SYNJ1: variants seen among roughly 807,000 people sequenced by gnomAD.
The protein encoded by SYNJ1 is polyphosphatidylinositol phosphatase SYNJ1.
SYNJ1 carries 78 observed loss-of-function variants against 168.2 expected under a neutral mutation model. That is an observed-to-expected ratio of 0.46 (90% CI 0.39 to 0.56). SYNJ1 has a LOEUF of 0.56. Ranked by LOEUF, SYNJ1 falls within the 20% of genes least tolerant of loss-of-function variation. SYNJ1 has a pLI of 0.00. For synonymous variants in SYNJ1, 539 were observed against 548.6 expected, an observed-to-expected ratio of 0.98 and a Z score of 0.24; for missense variants, 1,303 against 1,597.6, an observed-to-expected ratio of 0.82 and a Z score of 3.14.
chr21:32,710,235 A>G (rs541720890), intron 2 of SYNJ1, among the ~76,000 whole-genome samples: 23 of 152,218 alleles, frequency 1.5e-4, no homozygotes, highest in African/African-American at 5.5e-4. Flanking sequence ...AAATAAATAA[A>G]TAAGGAGGGA....
chr21:32,674,125 C>T (rs2041310726), intron 13 of SYNJ1, among the ~76,000 whole-genome samples: 1 of 152,214 alleles, frequency 6.6e-6, no homozygotes, highest in South Asian at 2.1e-4. Flanking sequence ...AAACAATGGT[C>T]CACAAGGCCC....
chr21:32,670,209 T>C (rs2145956349), intron 15 of SYNJ1, 79 bp downstream of exon 15: 1 of 1,141,134 alleles, frequency 8.8e-7, no homozygotes, highest in Non-Finnish European at 1.3e-6. Context: ...ACTATCCTTG[T>C]AACAATTACT....
Position 32,664,251 on chromosome 21 carries a change from A to G in SYNJ1, c.2304+662T>C, listed in dbSNP as rs113822126. On this transcript the variant is annotated intron_variant, in intron 18 of 32. Transcript: ENST00000674351. The stretch of plus-strand genomic sequence containing the variant: ...TCTGTCTTGCAAGAAGACATGGGTA[A>G]TGAGGATGAAAGTGAGAACTCCCAT... Among the ~76,000 whole-genome samples the G allele has an allele frequency of 7.2e-5, 11 of 152,314 alleles. 1 individual carries two copies. Among genetic ancestry groups the G allele is most frequent in the African/African-American group, 2.6e-4 (11 of 41,560 alleles).
chr21:32,674,851 T>A lies in SYNJ1; in HGVS notation c.1535-1320A>T, dbSNP rs73361386. 6.7e-3 allele frequency among the ~76,000 whole-genome samples: 1,013 copies of A among 152,294 alleles called. 11 individuals are homozygous for A. Among genetic ancestry groups the A allele is most frequent in the African/African-American group, 0.023 (976 of 41,562 alleles). ...ATGATACCAAGATATAGCAGTCTTATGAGGAAATGAGAGTGAAAAAGGCGA... is the reference window on the plus strand; with the variant it reads ...ATGATACCAAGATATAGCAGTCTTAAGAGGAAATGAGAGTGAAAAAGGCGA... On this transcript the variant is annotated intron_variant, in intron 13 of 32. Coordinates refer to ENST00000674351, the MANE Select transcript of SYNJ1 (RefSeq NM_203446.3).
At chr21:32,723,842 A>C (rs1196279689) in intron 2 of SYNJ1, among the ~76,000 whole-genome samples, 1 of 152,046 alleles carries the variant, frequency 6.6e-6, no homozygotes, top group Admixed American at 6.6e-5. Flanking sequence ...AAATAAAAGC[A>C]AAAAAGAAGT....
intron 4 of SYNJ1, among the ~76,000 whole-genome samples, chr21:32,697,760 C>A (rs954462004): frequency 6.6e-6 from 1 of 152,242 alleles, no homozygotes; most frequent in Non-Finnish European, 1.5e-5. Flanking sequence ...AAGATCGCGC[C>A]ACTGCGCTCC....
intron 4 of SYNJ1, among the ~76,000 whole-genome samples, chr21:32,698,211 T>C (rs1224996009): frequency 1.3e-5 from 2 of 151,998 alleles, no homozygotes; most frequent in Non-Finnish European, 2.9e-5. Context: ...CATAATGCTA[T>C]AAACCCTGTT....
intron 2 of SYNJ1, among the ~76,000 whole-genome samples, chr21:32,714,635 T>C (rs1421168934): frequency 6.6e-6 from 1 of 152,184 alleles, no homozygotes; most frequent in African/African-American, 2.4e-5. Flanking sequence ...GTGCAATCCA[T>C]TGACATAAGG....
rs534274499 is a variant in SYNJ1 at position 32,632,559 on chromosome 21, G to GT, written c.*4-759dup. The stretch of plus-strand genomic sequence containing the variant: ...TGCCACCAGGTCTAGCTAATTTTTT[G>GT]TATTTTAGTACAGATGGGGTTTCAC... On this transcript the variant is annotated intron_variant, in intron 32 of 32. Transcript: ENST00000674351. 7.2e-5 allele frequency among the ~76,000 whole-genome samples: 11 copies of GT among 152,080 alleles called. No individual in the cohort carries two copies. In the South Asian group the frequency reaches 2.3e-3, roughly 32 times the overall value.
intron 2 of SYNJ1, among the ~76,000 whole-genome samples, chr21:32,707,560 C>T (rs549432744): frequency 6.6e-6 from 1 of 152,200 alleles, no homozygotes; most frequent in Non-Finnish European, 1.5e-5. Context: ...TCTGAAACTT[C>T]TGGCTTCAAG....
At chr21:32,655,882 C>A (rs986126338) in intron 21 of SYNJ1, among the ~76,000 whole-genome samples, 4 of 152,154 alleles carry the variant, frequency 2.6e-5, no homozygotes, top group Admixed American at 6.5e-5. Flanking sequence ...ATGGCTAGAT[C>A]AATGAGGGAA....
chr21:32,633,794 G>C (rs1241434083), intron 32 of SYNJ1, among the ~76,000 whole-genome samples: 2 of 152,190 alleles, frequency 1.3e-5, no homozygotes, highest in African/African-American at 2.4e-5. Flanking sequence ...AACTATCCTA[G>C]AATATGCTTT....
intron 27 of SYNJ1, among the ~76,000 whole-genome samples, chr21:32,643,066 G>A (rs2145753472): frequency 6.6e-6 from 1 of 152,208 alleles, no homozygotes; most frequent in Non-Finnish European, 1.5e-5. Context: ...CTTCAGATTA[G>A]TAAAGTACAT....
intron 14 of SYNJ1, 148 bp from the exon 15 acceptor site, chr21:32,670,520 G>A: frequency 3.0e-6 from 2 of 675,928 alleles, no homozygotes; most frequent in Non-Finnish European, 2.4e-6. Flanking sequence ...ACACTCTTGA[G>A]TGGAATGAAA....
At chr21:32,668,590 T>C (rs2041053042) in intron 15 of SYNJ1, among the ~76,000 whole-genome samples, 1 of 152,232 alleles carries the variant, frequency 6.6e-6, no homozygotes, top group Non-Finnish European at 1.5e-5. Context: ...AATAAAATAT[T>C]TGTCACTTGC....
chr21:32,667,469 A>G (rs2040984316), intron 15 of SYNJ1, among the ~76,000 whole-genome samples: 1 of 152,156 alleles, frequency 6.6e-6, no homozygotes, highest in Non-Finnish European at 1.5e-5. Context: ...GTTTATACTT[A>G]AAGTTCCCCA....
At chr21:32,634,911 G>C (rs778136547) in intron 31 of SYNJ1, 27 bp from the exon 32 acceptor site, 2 of 1,613,310 alleles carry the variant, frequency 1.2e-6, no homozygotes, top group South Asian at 2.2e-5. Context: ...AGACATCAAA[G>C]GAAAGAGTTA....
intron 14 of SYNJ1, chr21:32,670,822 C>CT: frequency 1.0e-6 from 1 of 984,942 alleles, no homozygotes; most frequent in African/African-American, 1.7e-5. Context: ...TAATCTTGAT[C>CT]TTTTTGCTAT....
intron 18 of SYNJ1, chr21:32,658,554 G>C (rs569471089): frequency 6.6e-6 from 1 of 152,396 alleles, no homozygotes; most frequent in South Asian, 2.1e-4. Context: ...GCATAAGGCT[G>C]TCGCACTGAC....
Sources: allele counts gnomAD v4.1 joint callset (sites outside exome capture counted in the v4.1 genomes callset), GRCh38; gene constraint gnomAD v4.1.1; transcripts MANE v1.5; gene names NCBI Gene and HGNC (gene_info 2026-07-23, HGNC 2026-07-21).